GALNT15: variants seen among roughly 807,000 people sequenced by gnomAD.
GALNT15 encodes the protein UDP-GalNAc transferase T15.
GALNT15 carries 67 observed loss-of-function variants against 66.8 expected under a neutral mutation model. The observed-to-expected ratio is 1.00, with a 90% CI of 0.82 to 1.23. The LOEUF (loss-of-function observed/expected upper bound fraction) is 1.23, where lower values mean the gene tolerates loss of function less well. Ranked by LOEUF, GALNT15 falls within the 50% of genes most tolerant of loss-of-function variation. The probability of loss-of-function intolerance (pLI) is 0.00; values close to 1 mark genes in which losing one functional copy is unlikely to be tolerated. For missense variants in GALNT15, 827 were observed against 804.3 expected (o/e 1.03, Z -0.34); for synonymous variants, 313 against 311.5 (o/e 1.00, Z -0.05).
chr3:16,229,326 TAAAATC>T lies in GALNT15; in HGVS notation c.*1830_*1835del, dbSNP rs2064057075. ...TGTGGCCATTTTGATGGAAATCCAT[TAAAATC>T]AAAGAAAATTTAAAACTCAATTCCT... On this transcript the variant is annotated 3_prime_UTR_variant, in exon 10 of 10. Coordinates refer to ENST00000339732, the MANE Select transcript of GALNT15 (RefSeq NM_054110.5). The T allele has an allele frequency of 1.1e-6, 1 of 922,112 alleles. No individual in the cohort carries two copies. The highest frequency in any genetic ancestry group is 1.3e-6 in the Non-Finnish European group (1 of 772,290). The allele number at this position is 922,112 out of a possible 1,614,324, so 57.1% of individuals were successfully genotyped here.
Position 16,195,707 on chromosome 3 carries a change from G to C in GALNT15, c.540-53G>C, listed in dbSNP as rs998475455. The C allele has an allele frequency of 1.3e-6, 2 of 1,531,658 alleles. No homozygotes were observed. Among genetic ancestry groups the C allele is most frequent in the Non-Finnish European group, 1.8e-6 (2 of 1,117,572 alleles). The allele number at this position is 1,531,658 out of a possible 1,614,324, so 94.9% of individuals were successfully genotyped here. On this transcript the variant is annotated intron_variant, in intron 1 of 9. Coordinates refer to ENST00000339732, the MANE Select transcript of GALNT15 (RefSeq NM_054110.5). This position sits in a 1 kb window ranked among gnomAD's most constrained non-coding sequence, Gnocchi z 4.6. ...AAGGAAGCGAGTTAGAGGGTGTGGA[G>C]TGTTTCTTGTGGCCTTCTCTTCCCC...
At chr3:16,197,288 G>A (rs1387577088) in intron 2 of GALNT15, among the ~76,000 whole-genome samples, 1 of 151,920 alleles carries the variant, frequency 6.6e-6, no homozygotes, top group African/African-American at 2.4e-5. Flanking sequence ...CCCCTGCCAA[G>A]CAATTAAGCT....
At chr3:16,232,093 C>A, downstream of GALNT15, 1 of 772,986 alleles carries the variant, frequency 1.3e-6, no homozygotes, top group Non-Finnish European at 1.9e-6. Context: ...CAAAATTCTC[C>A]AAAACTCTCC....
Position 16,188,659 on chromosome 3 carries a change from G to T in GALNT15, c.540-7101G>T, listed in dbSNP as rs2063542657. Among the ~76,000 whole-genome samples, 1 of 152,162 alleles carries T rather than the reference G, an allele frequency of 6.6e-6. No individual in the cohort carries two copies. The highest frequency in any genetic ancestry group is 2.4e-5 in the African/African-American group (1 of 41,434). On this transcript the variant is annotated intron_variant, in intron 1 of 9. Coordinates refer to ENST00000339732, the MANE Select transcript of GALNT15 (RefSeq NM_054110.5). This position sits in a 1 kb window ranked among gnomAD's most constrained non-coding sequence, Gnocchi z 4.6. ...AGTTCAGGACCTTTCAAAGATCTTT[G>T]TTGGCTGGACCTTAGCCAGCTTCCT... is the stretch of plus-strand genomic sequence containing the variant.
intron 1 of GALNT15, among the ~76,000 whole-genome samples, chr3:16,177,839 G>C (rs2063426919): frequency 6.6e-6 from 1 of 152,214 alleles, no homozygotes; most frequent in Non-Finnish European, 1.5e-5. Flanking sequence ...AATGGGATAT[G>C]CATATATGTA....
At position 16,203,836 on chromosome 3, in the gene GALNT15, C is replaced by T. The variant is rs1052696016; in HGVS notation, c.911+3013C>T. On this transcript the variant is annotated intron_variant, in intron 3 of 9. Transcript: ENST00000339732. The surrounding 1 kb of genome is among the most constrained non-coding windows in gnomAD (Gnocchi z 6.2). ...CCTGGCAACGCTCTATGAGCTGTGGCAGGGAGAGCAGCCTCATTCAGTGTG... is the reference window on the plus strand; with the variant it reads ...CCTGGCAACGCTCTATGAGCTGTGGTAGGGAGAGCAGCCTCATTCAGTGTG... Among the ~76,000 whole-genome samples, 3 of 152,132 alleles carry T rather than the reference C, an allele frequency of 2.0e-5. No homozygotes were observed. The highest frequency in any genetic ancestry group is 4.4e-5 in the Non-Finnish European group (3 of 68,038).
intron 1 of GALNT15, among the ~76,000 whole-genome samples, chr3:16,185,188 A>G (rs1574970694): frequency 6.6e-6 from 1 of 152,266 alleles, no homozygotes; most frequent in East Asian, 1.9e-4. Flanking sequence ...TGAAGATTAA[A>G]GAGAAAATCA....
chr3:16,240,952 T>C, the GALNT15 span, among the ~76,000 whole-genome samples: 1 of 152,168 alleles, frequency 6.6e-6, no homozygotes, highest in Admixed American at 6.5e-5. Context: ...CAACACCCTT[T>C]TCCTTGTCTC....
chr3:16,201,381 C>T (rs549401050), intron 3 of GALNT15, among the ~76,000 whole-genome samples: 1 of 150,960 alleles, frequency 6.6e-6, no homozygotes, highest in South Asian at 2.1e-4. Flanking sequence ...AGGGGTTTCA[C>T]CGTGTTAGCC....
chr3:16,177,447 G>C (rs1476176490), intron 1 of GALNT15, among the ~76,000 whole-genome samples: 1 of 152,198 alleles, frequency 6.6e-6, no homozygotes, highest in East Asian at 1.9e-4. Context: ...TATATTCTCT[G>C]TGTTGTGTGT....
chr3:16,198,448 G>A (rs1315099833), intron 2 of GALNT15, among the ~76,000 whole-genome samples: 1 of 142,384 alleles, frequency 7.0e-6, no homozygotes, highest in Non-Finnish European at 1.6e-5. Context: ...AGTCTCGAGA[G>A]ATACGTGTTT....
At position 16,222,624 on chromosome 3, in the gene GALNT15, C is replaced by A; in HGVS notation, c.1639C>A (p.His547Asn). 1.2e-6 allele frequency: 2 copies of A among 1,614,210 alleles called. No homozygotes were observed. The highest frequency in any genetic ancestry group is 1.7e-6 in the Non-Finnish European group (2 of 1,180,022). Residue 547 changes from histidine (H) to asparagine (N), a missense_variant, in exon 9 of 10, where the codon CAC becomes AAC. By Grantham distance (68) the His-to-Asn change is moderately conservative (BLOSUM62 1). Transcript: ENST00000339732. ...ATTGCTTCTGTCACAGTACCTGCAGCACACCAGCAGGAAGGAGATTCACTT... is the reference window on the plus strand; with the variant it reads ...ATTGCTTCTGTCACAGTACCTGCAGAACACCAGCAGGAAGGAGATTCACTT... ...SDSRQQQYLQ[H>N]TSRKEIHFGS... is the part of the protein sequence containing the mutation.
intron 3 of GALNT15, among the ~76,000 whole-genome samples, chr3:16,207,514 A>T: frequency 1.7e-3 from 1 of 596 alleles, no homozygotes; most frequent in Admixed American, 0.042. Context: ...AAAAAAAAAA[A>T]AAAAAAAAAA....
Position 16,195,690 on chromosome 3 carries a change from G to A in GALNT15, c.540-70G>A, listed in dbSNP as rs774088845. On this transcript the variant is annotated intron_variant, in intron 1 of 9. Transcript: ENST00000339732. The surrounding 1 kb of genome is among the most constrained non-coding windows in gnomAD (Gnocchi z 4.6). Reference sequence around the variant, plus strand: ...CAGCTCCAGCCAGAGCAAAGGAAGCGAGTTAGAGGGTGTGGAGTGTTTCTT... The same window carrying A: ...CAGCTCCAGCCAGAGCAAAGGAAGCAAGTTAGAGGGTGTGGAGTGTTTCTT... The A allele has an allele frequency of 6.2e-5, 87 of 1,406,726 alleles. No homozygotes were observed. The highest frequency in any genetic ancestry group is 9.4e-5 in the Admixed American group (5 of 52,972). The allele number at this position is 1,406,726 out of a possible 1,614,324, so 87.1% of individuals were successfully genotyped here.
downstream of GALNT15, among the ~76,000 whole-genome samples, chr3:16,232,823 T>C (rs1193611609): frequency 4.0e-5 from 6 of 151,752 alleles, no homozygotes; most frequent in East Asian, 9.7e-4. Flanking sequence ...GTGGGGACCA[T>C]GTTAAAGTGC....
At chr3:16,216,994 C>G (rs1170444113) in intron 6 of GALNT15, among the ~76,000 whole-genome samples, 2 of 152,172 alleles carry the variant, frequency 1.3e-5, no homozygotes, top group African/African-American at 4.8e-5. Flanking sequence ...CTAACCAACA[C>G]CTGATGGTGG....
At chr3:16,237,094 C>T in the GALNT15 span, among the ~76,000 whole-genome samples, 2 of 152,244 alleles carry the variant, frequency 1.3e-5, no homozygotes, top group African/African-American at 4.8e-5. This position sits in a 1 kb window ranked among gnomAD's most constrained non-coding sequence, Gnocchi z 4.2. Flanking sequence ...GACAATCAGA[C>T]ACAAGCTCTG....
intron 2 of GALNT15, among the ~76,000 whole-genome samples, chr3:16,197,902 T>TGGAGCACAGG (rs1491225791): frequency 6.2e-5 from 9 of 145,074 alleles, no homozygotes; most frequent in South Asian, 4.3e-4. Context: ...ACCATCGCAG[T>TGGAGCACAGG]CTGGAAGTTC....
downstream of GALNT15, chr3:16,231,749 C>T (rs775722254): frequency 4.3e-6 from 6 of 1,409,538 alleles, no homozygotes; most frequent in Non-Finnish European, 5.8e-6. The surrounding 1 kb of genome is among the most constrained non-coding windows in gnomAD (Gnocchi z 4.1). Context: ...TAAAATGATA[C>T]AGTCCTTCCT....
Sources: allele counts gnomAD v4.1 joint callset (sites outside exome capture counted in the v4.1 genomes callset), GRCh38; gene constraint gnomAD v4.1.1; non-coding constraint Gnocchi (gnomAD v3.1); transcripts MANE v1.5; gene names NCBI Gene and HGNC (gene_info 2026-07-23, HGNC 2026-07-21).